ACOX3: variants seen among roughly 807,000 people sequenced by gnomAD.
ACOX3 encodes peroxisomal acyl-coenzyme A oxidase 3.
Under a neutral mutation model 81.5 loss-of-function variants are expected in ACOX3, and 73 were observed. The observed-to-expected ratio is 0.90, with a 90% CI of 0.74 to 1.09. The LOEUF (loss-of-function observed/expected upper bound fraction) is 1.09, where lower values mean the gene tolerates loss of function less well. Ranked by LOEUF, ACOX3 falls within the 50% of genes least tolerant of loss-of-function variation. ACOX3 has a pLI of 0.00. For synonymous variants in ACOX3, 387 were observed against 375.1 expected (o/e 1.03, Z -0.37); for missense variants, 947 against 928.0 (o/e 1.02, Z -0.27).
rs759811268 is a variant in ACOX3, at chr4:8,396,964, TTCC to T, written c.1026_1028del (p.Glu343del). 1.1e-5 allele frequency: 17 copies of T among 1,611,882 alleles called. No individual in the cohort carries two copies. The South Asian group carries it at 1.3e-4, about 13-fold the overall frequency. ...GCATTGGATACTCAAGCACTGGTAT[TTCC>T]TCCTCCTCTGTGGGTCCAAACTGAC... On this transcript the variant is annotated inframe_deletion, in exon 9 of 18. Coordinates refer to ENST00000356406, the MANE Select transcript of ACOX3 (RefSeq NM_003501.3).
chr4:8,422,256 G>C (rs939935209), intron 1 of ACOX3, among the ~76,000 whole-genome samples: 1 of 151,904 alleles, frequency 6.6e-6, no homozygotes, highest in Admixed American at 6.6e-5. Flanking sequence ...GAAAGAGAGA[G>C]ATATATAAGT....
rs1305553823 is a variant in ACOX3, at chr4:8,384,356, G to A, written c.1538-2749C>T. ...AAGCAAACAATGAAAGGTGGGTGTT[G>A]TGTGTGTCATTTTCAGAGTTAATGT... On this transcript the variant is annotated intron_variant, in intron 13 of 17. Transcript: ENST00000356406. This position sits in a 1 kb window ranked among gnomAD's most constrained non-coding sequence, Gnocchi z 5.3. Among the ~76,000 whole-genome samples the A allele has an allele frequency of 6.6e-6, 1 of 152,224 alleles. No individual in the cohort carries two copies. The highest frequency in any genetic ancestry group is 2.4e-5 in the African/African-American group (1 of 41,464).
At chr4:8,420,826 CTGATCCAG>C (rs1722862561) in intron 1 of ACOX3, among the ~76,000 whole-genome samples, 1 of 152,218 alleles carries the variant, frequency 6.6e-6, no homozygotes, top group Non-Finnish European at 1.5e-5. Flanking sequence ...CACTGAGCTT[CTGATCCAG>C]TGAGGCACCC....
chr4:8,414,290 ACC>A lies in ACOX3; in HGVS notation c.543_543+1del. The A allele has an allele frequency of 4.3e-6, 7 of 1,612,668 alleles. No individual in the cohort carries two copies. Among genetic ancestry groups the A allele is most frequent in the Non-Finnish European group, 5.9e-6 (7 of 1,178,756 alleles). On this transcript the variant is annotated splice_donor_variant and coding_sequence_variant, in exon 5 of 18. Transcript: ENST00000356406. LOFTEE classifies it high-confidence loss of function. This position sits in a 1 kb window ranked among gnomAD's most constrained non-coding sequence, Gnocchi z 6.1. Reference sequence around the variant, plus strand: ...AGGGACCCGGGGGAAGGTAATACCTACCTCAGTGGCAGGATCGTAGTGGGCAG... The same window carrying A: ...AGGGACCCGGGGGAAGGTAATACCTATCAGTGGCAGGATCGTAGTGGGCAG...
At chr4:8,398,281 T>C (rs530106952) in intron 8 of ACOX3, among the ~76,000 whole-genome samples, 36 of 152,332 alleles carry the variant, frequency 2.4e-4, no homozygotes, top group African/African-American at 8.4e-4. Context: ...TCAAGTGTTT[T>C]TTATTCCACT....
rs1396100840 is a variant in ACOX3 at position 8,378,894 on chromosome 4, C to A, written c.1653+2598G>T. On this transcript the variant is annotated intron_variant, in intron 14 of 17. Coordinates refer to ENST00000356406, the MANE Select transcript of ACOX3 (RefSeq NM_003501.3). Reference sequence around the variant, plus strand: ...TCAGTAACCTTCCCAAAGGACACAGCCATCACCCTCTCCATGAACGGTGCT... The same window carrying A: ...TCAGTAACCTTCCCAAAGGACACAGACATCACCCTCTCCATGAACGGTGCT... Among the ~76,000 whole-genome samples the A allele has an allele frequency of 3.3e-5, 5 of 151,968 alleles. No individual in the cohort carries two copies. The South Asian group carries it at 6.2e-4, about 19-fold the overall frequency.
At chr4:8,374,760 A>C in intron 15 of ACOX3, 1 of 470,934 alleles carries the variant, frequency 2.1e-6, no homozygotes, top group Admixed American at 3.8e-5. Flanking sequence ...CCGAACCCCA[A>C]GTGAAAGAAA....
chr4:8,389,996 G>A lies in ACOX3; in HGVS notation c.1301-262C>T, dbSNP rs552143088. ...TGTGTGCCTGTAATCTCAGCTACTC[G>A]GGAGGCTGAGGCAGGAGAATCGCTT... is the stretch of plus-strand genomic sequence containing the variant. On this transcript the variant is annotated intron_variant, in intron 11 of 17. Transcript: ENST00000356406. The surrounding 1 kb of genome is among the most constrained non-coding windows in gnomAD (Gnocchi z 5.3). 2.6e-5 allele frequency among the ~76,000 whole-genome samples: 4 copies of A among 151,834 alleles called. No homozygotes were observed. The highest frequency in any genetic ancestry group is 2.1e-4 in the South Asian group (1 of 4,794).
Position 8,392,406 on chromosome 4 carries a change from G to A in ACOX3, c.1227C>T (p.Pro409=), listed in dbSNP as rs200173659. The change falls in exon 11 of 18, where the codon CCC becomes CCT. Residue 409 remains proline (P), a synonymous_variant. Transcript: ENST00000356406. ...CTTGCTGGGTGGTCCACGAGGCCAG[G>A]GGCTTGCTGGCCGATGCCAGGGCGT... The part of the protein sequence containing the change: ...EIHALASASK[P]LASWTTQQGI... 9 of 1,609,406 alleles carry A rather than the reference G, an allele frequency of 5.6e-6. No individual in the cohort carries two copies. The highest frequency in any genetic ancestry group is 7.6e-6 in the Non-Finnish European group (9 of 1,178,452).
chr4:8,370,040 A>C lies in ACOX3; in HGVS notation c.1983+868T>G, dbSNP rs1160928829. On this transcript the variant is annotated intron_variant, in intron 17 of 17. Transcript: ENST00000356406. This position sits in a 1 kb window ranked among gnomAD's most constrained non-coding sequence, Gnocchi z 6.3. ...GTGGGAGGGAGACACAAGGTCAGTGATGAGGCCAGCAAGGGCAGCACTACA... is the reference window on the plus strand; with the variant it reads ...GTGGGAGGGAGACACAAGGTCAGTGCTGAGGCCAGCAAGGGCAGCACTACA... 1.3e-5 allele frequency among the ~76,000 whole-genome samples: 2 copies of C among 152,196 alleles called. No individual in the cohort carries two copies. Among genetic ancestry groups the C allele is most frequent in the Non-Finnish European group, 2.9e-5 (2 of 68,022 alleles).
At position 8,431,476 on chromosome 4, in the gene ACOX3, G is replaced by C. The variant is rs1723949645; in HGVS notation, c.-15+9172C>G. Reference sequence around the variant, plus strand: ...GGAACACGGGCCTCTCTGTGAGTCAGGGTGGTGGGGAGGTAGGAAGAGAGG... The same window carrying C: ...GGAACACGGGCCTCTCTGTGAGTCACGGTGGTGGGGAGGTAGGAAGAGAGG... On this transcript the variant is annotated intron_variant, in intron 1 of 17. Transcript: ENST00000356406. The surrounding 1 kb of genome is among the most constrained non-coding windows in gnomAD (Gnocchi z 5.3). Among the ~76,000 whole-genome samples the C allele has an allele frequency of 6.6e-6, 1 of 152,252 alleles. No homozygotes were observed. Among genetic ancestry groups the C allele is most frequent in the African/African-American group, 2.4e-5 (1 of 41,470 alleles).
At position 8,415,869 on chromosome 4, in the gene ACOX3, C is replaced by A. The variant is rs1336922011; in HGVS notation, c.275G>T (p.Ser92Ile). 6.2e-7 allele frequency: 1 copy of A among 1,614,192 alleles called. No individual in the cohort carries two copies. Among genetic ancestry groups the A allele is most frequent in the Non-Finnish European group, 8.5e-7 (1 of 1,180,032 alleles). ...AGGGCTCTTGAACATGTCTTCGACA[C>A]TGAGGAAGTCATACTCGAAGATCCG... ...CKRIFEYDFL[S>I]VEDMFKSPLK... The change falls in exon 3 of 18, where the codon AGT becomes ATT. Residue 92 changes from serine (S) to isoleucine (I), a missense_variant. Coordinates refer to ENST00000356406, the MANE Select transcript of ACOX3 (RefSeq NM_003501.3).
chr4:8,367,376 G>A (rs12644325), intron 17 of ACOX3, among the ~76,000 whole-genome samples: 39,535 of 151,774 alleles, frequency 0.26, 5,277 homozygotes, highest in South Asian at 0.31. Context: ...CCAGCTACTC[G>A]GAAGGCTGAG....
chr4:8,376,492 G>A (rs1320516687), intron 14 of ACOX3, among the ~76,000 whole-genome samples: 2 of 152,306 alleles, frequency 1.3e-5, no homozygotes, highest in East Asian at 3.9e-4. Flanking sequence ...TGAAGCACAC[G>A]GCAGCAGGGT....
At position 8,394,760 on chromosome 4, in the gene ACOX3, C is replaced by A; in HGVS notation, c.1057-18G>T. On this transcript the variant is annotated intron_variant, in intron 9 of 17. Transcript: ENST00000356406. The surrounding 1 kb of genome is among the most constrained non-coding windows in gnomAD (Gnocchi z 5.9). The stretch of plus-strand genomic sequence containing the variant: ...CGCCATTGCTAGAACAGACAAGACA[C>A]CTGCGTGAACACATCGTGGTTCCCA... 6.2e-7 allele frequency: 1 copy of A among 1,607,666 alleles called. No individual in the cohort carries two copies. Among genetic ancestry groups the A allele is most frequent in the Non-Finnish European group, 8.5e-7 (1 of 1,175,864 alleles).
intron 1 of ACOX3, among the ~76,000 whole-genome samples, chr4:8,424,307 A>G (rs1723240789): frequency 6.6e-6 from 1 of 152,266 alleles, no homozygotes; most frequent in African/African-American, 2.4e-5. Flanking sequence ...GTGGCTTTCC[A>G]GGCCCTAAAG....
chr4:8,356,603 T>C, the ACOX3 span: 1 of 456,228 alleles, frequency 2.2e-6, no homozygotes, highest in African/African-American at 2.0e-5. Flanking sequence ...TGCAGAATGG[T>C]GTACGCTAAC....
chr4:8,381,400 G>T lies in ACOX3; in HGVS notation c.1653+92C>A. Reference sequence around the variant, plus strand: ...CACGGGAGCTCGGGGTCTGGGGCCTGAATTGCCAGGATGTTCAAACTCCCA... The same window carrying T: ...CACGGGAGCTCGGGGTCTGGGGCCTTAATTGCCAGGATGTTCAAACTCCCA... On this transcript the variant is annotated intron_variant, in intron 14 of 17. Coordinates refer to ENST00000356406, the MANE Select transcript of ACOX3 (RefSeq NM_003501.3). This position sits in a 1 kb window ranked among gnomAD's most constrained non-coding sequence, Gnocchi z 4.3. 8.3e-7 allele frequency: 1 copy of T among 1,205,048 alleles called. No homozygotes were observed. The highest frequency in any genetic ancestry group is 1.2e-6 in the Non-Finnish European group (1 of 835,818). The allele number at this position is 1,205,048 out of a possible 1,614,324, so 74.6% of individuals were successfully genotyped here.
chr4:8,375,701 C>G (rs1226509508), intron 14 of ACOX3, among the ~76,000 whole-genome samples: 1 of 152,230 alleles, frequency 6.6e-6, no homozygotes, highest in African/African-American at 2.4e-5. Flanking sequence ...CAGGCTCTGC[C>G]GCTCCCATCT....
Sources: gnomAD v4.1 joint callset for allele counts (sites outside exome capture counted in the v4.1 genomes callset) on GRCh38, gnomAD v4.1.1 for gene constraint, Gnocchi (gnomAD v3.1) non-coding constraint, MANE v1.5 for transcripts, NCBI Gene and HGNC (gene_info 2026-07-23, HGNC 2026-07-21) for gene names.